The following ADGRB3 variants were observed in gnomAD, a reference collection of about 807,000 sequenced individuals.
ADGRB3 encodes brain-specific angiogenesis inhibitor 3.
A neutral mutation model predicts 193.4 loss-of-function variants in ADGRB3; 37 were observed. The observed-to-expected ratio is 0.19, with a 90% CI of 0.15 to 0.25. The LOEUF (loss-of-function observed/expected upper bound fraction) is 0.25. Among genes scored for constraint, ADGRB3 ranks in the 10% least tolerant of loss-of-function variants. The probability of loss-of-function intolerance (pLI) is 1.00; values close to 1 mark genes in which losing one functional copy is unlikely to be tolerated. For missense variants in ADGRB3, 1,637 were observed against 1,852.9 expected (o/e 0.88, Z 2.14); for synonymous variants, 690 against 644.2 (o/e 1.07, Z -1.08).
At chr6:68,891,933 T>C (rs1766088952) in intron 3 of ADGRB3, among the ~76,000 whole-genome samples, 3 of 152,198 alleles carry the variant, frequency 2.0e-5, no homozygotes, top group South Asian at 4.1e-4. Flanking sequence ...ATATGGGTGA[T>C]CTGCTAGAGC....
Position 69,047,564 on chromosome 6 carries a change from A to T in ADGRB3, c.2108-621A>T, listed in dbSNP as rs183444591. On this transcript the variant is annotated intron_variant, in intron 13 of 31. Coordinates refer to ENST00000370598, the MANE Select transcript of ADGRB3 (RefSeq NM_001704.3). ...ACTTTCAATTTTAGAGAGAAGTTTT[A>T]AGAATTATTATTAATCTATTTGATC... 1.2e-3 allele frequency among the ~76,000 whole-genome samples: 188 copies of T among 151,926 alleles called. 1 individual carries two copies. The highest frequency in any genetic ancestry group is 4.5e-3 in the African/African-American group (185 of 41,528).
At chr6:68,654,683 A>T (rs954466516) in intron 3 of ADGRB3, among the ~76,000 whole-genome samples, 1 of 151,922 alleles carries the variant, frequency 6.6e-6, no homozygotes, top group African/African-American at 2.4e-5. Flanking sequence ...ATCATTTTTC[A>T]ATAGTTTGAG....
intron 20 of ADGRB3, among the ~76,000 whole-genome samples, chr6:69,313,484 A>G (rs1302323893): frequency 6.6e-6 from 1 of 151,840 alleles, no homozygotes; most frequent in Non-Finnish European, 1.5e-5. Context: ...TATACAAGAA[A>G]TATTTTCAAG....
At chr6:68,703,790 T>A (rs974026495) in intron 3 of ADGRB3, among the ~76,000 whole-genome samples, 7 of 151,982 alleles carry the variant, frequency 4.6e-5, no homozygotes, top group Admixed American at 3.9e-4. Context: ...GCCCAGCTAA[T>A]TTTTGTATTT....
At chr6:69,125,791 A>T (rs575922997) in intron 17 of ADGRB3, among the ~76,000 whole-genome samples, 54 of 152,316 alleles carry the variant, frequency 3.5e-4, no homozygotes, top group Non-Finnish European at 5.9e-4. Context: ...ATGCTTTTTT[A>T]AAAACAACAT....
At chr6:68,799,306 T>C (rs9360361) in intron 3 of ADGRB3, among the ~76,000 whole-genome samples, 120,154 of 152,094 alleles carry the variant, frequency 0.79, 47,683 homozygotes, top group Middle Eastern at 0.9. Flanking sequence ...TCATTGGATT[T>C]GAGTAGTGAG....
intron 13 of ADGRB3, among the ~76,000 whole-genome samples, chr6:69,022,073 A>G (rs1166738965): frequency 6.6e-6 from 1 of 151,832 alleles, no homozygotes; most frequent in Admixed American, 6.6e-5. Flanking sequence ...TATGTATATG[A>G]CATCTAAAAT....
chr6:69,386,540 T>C (rs1201793384), intron 31 of ADGRB3, among the ~76,000 whole-genome samples: 2 of 152,072 alleles, frequency 1.3e-5, no homozygotes, highest in Non-Finnish European at 2.9e-5. Context: ...CATCTCCCTA[T>C]TGCCTACAAA....
At chr6:68,720,129 T>G (rs548694855) in intron 3 of ADGRB3, among the ~76,000 whole-genome samples, 2 of 151,916 alleles carry the variant, frequency 1.3e-5, no homozygotes, top group African/African-American at 2.4e-5. Context: ...TGAATTGATA[T>G]GTTTAAGCCT....
At chr6:68,728,292 G>A (rs1765709287) in intron 3 of ADGRB3, among the ~76,000 whole-genome samples, 1 of 151,418 alleles carries the variant, frequency 6.6e-6, no homozygotes, top group Non-Finnish European at 1.5e-5. Context: ...ATGTCCAGAT[G>A]AGATTTGACA....
intron 10 of ADGRB3, among the ~76,000 whole-genome samples, chr6:68,984,887 T>G (rs550499513): frequency 1.6e-5 from 2 of 125,066 alleles, no homozygotes; most frequent in Admixed American, 8.0e-5. Flanking sequence ...ATTATGGGGT[T>G]TTCATCTGAT....
chr6:69,182,066 T>C (rs1413318906), intron 17 of ADGRB3, among the ~76,000 whole-genome samples: 6 of 152,156 alleles, frequency 3.9e-5, no homozygotes, highest in Non-Finnish European at 7.4e-5. Context: ...CTTGGAAATA[T>C]GGCCAAAAAA....
chr6:69,181,819 T>C (rs1172345213), intron 17 of ADGRB3, among the ~76,000 whole-genome samples: 1 of 152,230 alleles, frequency 6.6e-6, no homozygotes, highest in Non-Finnish European at 1.5e-5. Flanking sequence ...TTACTTACCT[T>C]ATTTCATTTT....
chr6:69,115,732 A>G lies in ADGRB3; in HGVS notation c.2480+39694A>G, dbSNP rs559124371. Among the ~76,000 whole-genome samples the G allele has an allele frequency of 7.2e-5, 11 of 152,380 alleles. No individual in the cohort carries two copies. The South Asian group carries it at 2.3e-3, about 32-fold the overall frequency. On this transcript the variant is annotated intron_variant, in intron 17 of 31. Transcript: ENST00000370598. ...TAAATTAACATGTTTCAAAGAATGCAGTTAGCTGATGGCTTCCCCATTTGG... is the reference window on the plus strand; with the variant it reads ...TAAATTAACATGTTTCAAAGAATGCGGTTAGCTGATGGCTTCCCCATTTGG...
intron 16 of ADGRB3, among the ~76,000 whole-genome samples, chr6:69,065,527 G>A (rs994292152): frequency 6.6e-6 from 1 of 151,658 alleles, no homozygotes; most frequent in African/African-American, 2.4e-5. Flanking sequence ...AAATACTTTG[G>A]GAAGTATTAC....
At chr6:69,144,464 A>G (rs1041320404) in intron 17 of ADGRB3, among the ~76,000 whole-genome samples, 1 of 152,178 alleles carries the variant, frequency 6.6e-6, no homozygotes, top group Non-Finnish European at 1.5e-5. Context: ...CTGTGGCAAA[A>G]GTGGGCATCC....
intron 17 of ADGRB3, among the ~76,000 whole-genome samples, chr6:69,179,835 A>T (rs1470035774): frequency 6.6e-6 from 1 of 152,126 alleles, no homozygotes; most frequent in African/African-American, 2.4e-5. Flanking sequence ...TATGGGTAAG[A>T]GCTGTCTGTG....
At chr6:68,892,079 A>C (rs2150229500) in intron 3 of ADGRB3, among the ~76,000 whole-genome samples, 1 of 152,350 alleles carries the variant, frequency 6.6e-6, no homozygotes, top group South Asian at 2.1e-4. Flanking sequence ...GTTTAAATTT[A>C]AATACCCTCC....
chr6:68,937,959 A>T (rs1053054848), intron 5 of ADGRB3, among the ~76,000 whole-genome samples: 1 of 152,182 alleles, frequency 6.6e-6, no homozygotes, highest in African/African-American at 2.4e-5. Flanking sequence ...TGTGGAGGAA[A>T]TAAAAAGTAA....
Sources: gnomAD v4.1 joint callset for allele counts (sites outside exome capture counted in the v4.1 genomes callset) on GRCh38, gnomAD v4.1.1 for gene constraint, MANE v1.5 for transcripts, NCBI Gene and HGNC (gene_info 2026-07-23, HGNC 2026-07-21) for gene names.